The following ZNF469 variants were observed in gnomAD, a reference collection of about 807,000 sequenced individuals.
ZNF469 encodes zinc finger protein 469.
ZNF469 carries 1 observed loss-of-function variant against 1.0 expected under a neutral mutation model. That is an observed-to-expected ratio of 1.00 (90% confidence interval 0.35 to 4.73). ZNF469 has a LOEUF of 4.73. Among genes scored for constraint, ZNF469 ranks in the 30% most tolerant of loss-of-function variants. ZNF469 has a pLI of 0.16. For missense variants in ZNF469, 6,100 were observed against 5,356.3 expected, an observed-to-expected ratio of 1.14 and a Z score of -4.33; for synonymous variants, 2,703 against 2,363.4, an observed-to-expected ratio of 1.14 and a Z score of -4.17.
chr16:88,358,790 C>T, the ZNF469 span, among the ~76,000 whole-genome samples: 4 of 150,408 alleles, frequency 2.7e-5, no homozygotes, highest in Non-Finnish European at 4.4e-5. Context: ...GTGATCTCGG[C>T]TCACTGCAAA....
chr16:88,104,630 C>T, the ZNF469 span, among the ~76,000 whole-genome samples: 2 of 152,254 alleles, frequency 1.3e-5, no homozygotes, highest in Non-Finnish European at 2.9e-5. Context: ...ATTCCGGGGG[C>T]CTGTCCATGC....
chr16:88,384,577 TCAC>T (rs2092533210), intron 1 of ZNF469, among the ~76,000 whole-genome samples: 1 of 151,986 alleles, frequency 6.6e-6, no homozygotes, highest in Non-Finnish European at 1.5e-5. Context: ...AGGACAGAGC[TCAC>T]CGGGAGGTGA....
the ZNF469 span, among the ~76,000 whole-genome samples, chr16:88,146,918 T>A: frequency 6.6e-6 from 1 of 151,874 alleles, no homozygotes; most frequent in African/African-American, 2.4e-5. Flanking sequence ...TCCAGCACGG[T>A]ACAGCGTGGG....
chr16:88,372,038 C>T, the ZNF469 span, among the ~76,000 whole-genome samples: 27 of 70,550 alleles, frequency 3.8e-4, no homozygotes, highest in African/African-American at 1.3e-3. Flanking sequence ...ACCATCACTA[C>T]CATTACCATC....
the ZNF469 span, among the ~76,000 whole-genome samples, chr16:88,193,315 G>A: frequency 6.0e-5 from 9 of 150,016 alleles, no homozygotes; most frequent in South Asian, 1.3e-3. Context: ...GGTGGTGATG[G>A]TGATGATGGT....
chr16:88,143,218 G>A, the ZNF469 span, among the ~76,000 whole-genome samples: 36 of 152,366 alleles, frequency 2.4e-4, no homozygotes, highest in African/African-American at 7.5e-4. Flanking sequence ...GTGCTTGATC[G>A]TTTTGTGCCT....
chr16:88,184,832 C>A, the ZNF469 span, among the ~76,000 whole-genome samples: 40 of 152,234 alleles, frequency 2.6e-4, no homozygotes, highest in Non-Finnish European at 1.3e-4. Flanking sequence ...GGGGACACTC[C>A]CTCTCGGGCT....
chr16:88,398,555 G>A (rs1352216109), intron 1 of ZNF469, among the ~76,000 whole-genome samples: 3 of 117,792 alleles, frequency 2.5e-5, no homozygotes, highest in South Asian at 5.0e-4. Context: ...CACAGATGAA[G>A]AGAATGCGCG....
the ZNF469 span, among the ~76,000 whole-genome samples, chr16:88,112,934 C>T: frequency 1.1e-4 from 16 of 152,038 alleles, no homozygotes; most frequent in East Asian, 3.9e-4. Context: ...CCCGCCACCA[C>T]GCCTGGCTAA....
the ZNF469 span, among the ~76,000 whole-genome samples, chr16:88,219,678 C>G: frequency 6.6e-6 from 1 of 152,008 alleles, no homozygotes; most frequent in Non-Finnish European, 1.5e-5. Context: ...AGAAGAAAAC[C>G]TAGGCATTAC....
chr16:88,306,972 T>G, the ZNF469 span, among the ~76,000 whole-genome samples: 1 of 152,184 alleles, frequency 6.6e-6, no homozygotes, highest in Non-Finnish European at 1.5e-5. Context: ...AGAAAGAAAC[T>G]CCAGGCCCTT....
At chr16:88,222,920 C>T in the ZNF469 span, among the ~76,000 whole-genome samples, 3 of 152,298 alleles carry the variant, frequency 2.0e-5, no homozygotes, top group South Asian at 2.1e-4. Context: ...TTTTGCAAAG[C>T]GTCAGCCTCT....
At position 88,437,271 on chromosome 16, in the gene ZNF469, G is replaced by A. The variant is rs1372740874; in HGVS notation, c.9801G>A (p.Pro3267=). The change falls in exon 3 of 3, where the codon CCG becomes CCA. Residue 3267 remains proline, a synonymous_variant. Coordinates refer to ENST00000565624, the MANE Select transcript of ZNF469 (RefSeq NM_001367624.2). The part of the protein sequence containing the change: ...GQEGEAKKDS[P]GERAKPRARS... Reference sequence around the variant, plus strand: ...AGGGAGAAGCCAAGAAAGACAGCCCGGGCGAGAGGGCGAAACCCCGGGCAC... The same window carrying A: ...AGGGAGAAGCCAAGAAAGACAGCCCAGGCGAGAGGGCGAAACCCCGGGCAC... 2.6e-6 allele frequency: 4 copies of A among 1,548,372 alleles called. No individual in the cohort carries two copies. The highest frequency in any genetic ancestry group is 3.5e-6 in the Non-Finnish European group (4 of 1,145,860).
chr16:88,240,082 A>G, the ZNF469 span, among the ~76,000 whole-genome samples: 133 of 150,734 alleles, frequency 8.8e-4, no homozygotes, highest in African/African-American at 3.0e-3. Context: ...ACCCATGCCC[A>G]TTGGTGACTG....
chr16:88,305,614 A>C, the ZNF469 span, among the ~76,000 whole-genome samples: 1 of 147,162 alleles, frequency 6.8e-6, no homozygotes, highest in Non-Finnish European at 1.5e-5. Context: ...ATGCACACAC[A>C]CCCTCACGTG....
chr16:88,413,652 A>G (rs540435715), intron 1 of ZNF469, among the ~76,000 whole-genome samples: 50 of 152,318 alleles, frequency 3.3e-4, no homozygotes, highest in African/African-American at 1.1e-3. Context: ...CAGTCCCGCC[A>G]TTGCCTCTAG....
At chr16:88,249,180 G>T in the ZNF469 span, among the ~76,000 whole-genome samples, 45 of 151,856 alleles carry the variant, frequency 3.0e-4, no homozygotes, top group Middle Eastern at 3.4e-3. Flanking sequence ...CTCCTTTTAT[G>T]GGTAAGATAA....
chr16:88,116,955 GCACACACACA>G, the ZNF469 span, among the ~76,000 whole-genome samples: 897 of 151,016 alleles, frequency 5.9e-3, 12 homozygotes, highest in Middle Eastern at 0.014. Flanking sequence ...GTGCATGCGT[GCACACACACA>G]CACACACACA....
the ZNF469 span, among the ~76,000 whole-genome samples, chr16:88,232,659 C>A: frequency 2.0e-5 from 3 of 152,218 alleles, no homozygotes; most frequent in Non-Finnish European, 4.4e-5. Flanking sequence ...GGTCAGCCTG[C>A]GGCAAGAGGG....
Sources: allele counts gnomAD v4.1 joint callset (sites outside exome capture counted in the v4.1 genomes callset), GRCh38; gene constraint gnomAD v4.1.1; transcripts MANE v1.5; gene names NCBI Gene and HGNC (gene_info 2026-07-23, HGNC 2026-07-21).